Variants in C6orf118 observed in about 807,000 individuals in gnomAD.
C6orf118 encodes uncharacterized protein C6orf118.
C6orf118 carries 50 observed loss-of-function variants against 50.2 expected under a neutral mutation model. That is an observed-to-expected ratio of 1.00 (90% CI 0.79 to 1.26). The LOEUF (loss-of-function observed/expected upper bound fraction) is 1.26, where lower values mean the gene tolerates loss of function less well. C6orf118 is among the 50% of genes most tolerant of loss of function. The pLI, the probability that C6orf118 is intolerant of heterozygous loss-of-function variation, is 0.00. For missense variants in C6orf118, 641 were observed against 578.7 expected (o/e 1.11, Z -1.10); for synonymous variants, 239 against 230.9 (o/e 1.03, Z -0.32).
chr6:165,300,270 C>T lies in C6orf118; in HGVS notation c.876+94G>A. 2.7e-6 allele frequency: 4 copies of T among 1,465,140 alleles called. No homozygotes were observed. The South Asian group carries it at 3.8e-5, about 14-fold the overall frequency. The allele number at this position is 1,465,140 out of a possible 1,614,324, so 90.8% of individuals were successfully genotyped here. ...TGTCTGTAGAAGGGGGCCTGTGATA[C>T]CTAGCAGAATTTCAGTGCGGCTTGA... On this transcript the variant is annotated intron_variant, in intron 3 of 8. Transcript: ENST00000230301.
chr6:165,292,530 T>A (rs1468688514), intron 6 of C6orf118, among the ~76,000 whole-genome samples: 1 of 152,228 alleles, frequency 6.6e-6, no homozygotes, highest in African/African-American at 2.4e-5. Flanking sequence ...TTTGTTTTTT[T>A]GTTTTGTTTT....
chr6:165,287,006 A>T (rs771917881), intron 7 of C6orf118, among the ~76,000 whole-genome samples: 1 of 152,196 alleles, frequency 6.6e-6, no homozygotes, highest in Non-Finnish European at 1.5e-5. Flanking sequence ...TTTGCATATG[A>T]CATGATTCTA....
intron 7 of C6orf118, 194 bp from the exon 8 acceptor site, chr6:165,281,887 C>T (rs770133080): frequency 1.4e-4 from 45 of 322,600 alleles, no homozygotes; most frequent in Non-Finnish European, 2.1e-4. Flanking sequence ...CTGGTCCTCC[C>T]GGTAAAAAAC....
chr6:165,290,181 TATA>T, intron 6 of C6orf118, 114 bp from the exon 7 acceptor site: 1 of 635,326 alleles, frequency 1.6e-6, no homozygotes, highest in Non-Finnish European at 2.5e-6. Context: ...AACTATAAAA[TATA>T]ATTCAAACTC....
At chr6:165,282,501 G>A (rs193203493) in intron 7 of C6orf118, among the ~76,000 whole-genome samples, 12 of 152,106 alleles carry the variant, frequency 7.9e-5, no homozygotes, top group Middle Eastern at 3.4e-3. Flanking sequence ...AAGTTACTTA[G>A]CATATTAGTG....
At chr6:165,281,550 C>T (rs574361572) in intron 8 of C6orf118, 90 bp downstream of exon 8, 123 of 1,432,368 alleles carry the variant, frequency 8.6e-5, no homozygotes, top group Middle Eastern at 5.4e-4. Flanking sequence ...CAAAGAATTA[C>T]GATCAGTTGG....
chr6:165,283,257 A>G (rs1779791830), intron 7 of C6orf118, among the ~76,000 whole-genome samples: 1 of 152,152 alleles, frequency 6.6e-6, no homozygotes, highest in African/African-American at 2.4e-5. Flanking sequence ...TTCCGCTCCC[A>G]GCCAAGGGAG....
chr6:165,282,184 A>T (rs1401782182), intron 7 of C6orf118, among the ~76,000 whole-genome samples: 2 of 152,170 alleles, frequency 1.3e-5, no homozygotes, highest in Non-Finnish European at 2.9e-5. Context: ...AGTAAGTATA[A>T]AATAATCCCA....
chr6:165,286,703 G>A (rs1779915855), intron 7 of C6orf118, among the ~76,000 whole-genome samples: 1 of 151,974 alleles, frequency 6.6e-6, no homozygotes, highest in Admixed American at 6.6e-5. Context: ...ACACAGAAAA[G>A]GCCTTCTATA....
intron 7 of C6orf118, among the ~76,000 whole-genome samples, chr6:165,282,483 C>T (rs1245405486): frequency 2.0e-5 from 3 of 152,000 alleles, no homozygotes; most frequent in Non-Finnish European, 4.4e-5. Context: ...CTAACTGTGA[C>T]CTCAATCAAG....
chr6:165,292,021 G>T (rs1165223658), intron 6 of C6orf118, among the ~76,000 whole-genome samples: 1 of 152,192 alleles, frequency 6.6e-6, no homozygotes, highest in African/African-American at 2.4e-5. Context: ...GTAGGCACAT[G>T]ATGAGCTAGC....
intron 1 of C6orf118, among the ~76,000 whole-genome samples, chr6:165,306,535 CAAAAAAAAAAAAA>C (rs60755206): frequency 1.0e-4 from 4 of 39,686 alleles, no homozygotes; most frequent in East Asian, 1.2e-3. Flanking sequence ...TAGGTGAATG[CAAAAAAAAAAAAA>C]AAAAAAAAAA....
At chr6:165,289,609 G>A (rs1780035169) in intron 7 of C6orf118, among the ~76,000 whole-genome samples, 1 of 151,962 alleles carries the variant, frequency 6.6e-6, no homozygotes, top group Admixed American at 6.6e-5. Context: ...GTCTTCAATG[G>A]CTATTATTCC....
intron 7 of C6orf118, among the ~76,000 whole-genome samples, chr6:165,283,390 G>T (rs1779797254): frequency 6.6e-6 from 1 of 152,176 alleles, no homozygotes; most frequent in African/African-American, 2.4e-5. Context: ...CCAAGCAGGG[G>T]TTTACAGACA....
At chr6:165,282,439 C>G (rs1235443531) in intron 7 of C6orf118, among the ~76,000 whole-genome samples, 1 of 151,960 alleles carries the variant, frequency 6.6e-6, no homozygotes, top group African/African-American at 2.4e-5. Flanking sequence ...CATTAAGAAC[C>G]AAGCCTGAGT....
chr6:165,302,228 T>C lies in C6orf118; in HGVS notation c.94A>G (p.Thr32Ala). The change falls in exon 2 of 9, where the codon ACG (threonine) becomes GCG (alanine). Residue 32 changes from threonine (T) to alanine (A), a missense_variant. Coordinates refer to ENST00000230301, the MANE Select transcript of C6orf118 (RefSeq NM_144980.4). ...KTLCNLKHCE[T>A]PGVKTLCNLK... Reference sequence around the variant, plus strand: ...TTACACAGGGTCTTCACTCCTGGCGTCTCGCAGTGCTTCAGATTACACAGG... The same window carrying C: ...TTACACAGGGTCTTCACTCCTGGCGCCTCGCAGTGCTTCAGATTACACAGG... 2 of 1,613,882 alleles carry C rather than the reference T, an allele frequency of 1.2e-6. No homozygotes were observed. Among genetic ancestry groups the C allele is most frequent in the Non-Finnish European group, 1.7e-6 (2 of 1,179,900 alleles).
intron 6 of C6orf118, among the ~76,000 whole-genome samples, chr6:165,292,363 C>T (rs879861801): frequency 2.0e-5 from 3 of 152,058 alleles, no homozygotes; most frequent in African/African-American, 4.8e-5. Context: ...TTTGTTCCAT[C>T]GCAATGAAAG....
At chr6:165,290,129 AT>A in intron 6 of C6orf118, 62 bp from the exon 7 acceptor site, 1 of 938,894 alleles carries the variant, frequency 1.1e-6, no homozygotes, top group Non-Finnish European at 1.6e-6. Context: ...TATTAATAGC[AT>A]TATGTATTAT....
intron 7 of C6orf118, among the ~76,000 whole-genome samples, chr6:165,289,123 C>T (rs1413824621): frequency 2.7e-5 from 4 of 150,502 alleles, no homozygotes; most frequent in Non-Finnish European, 5.9e-5. Flanking sequence ...ATCCAGTCTG[C>T]ACCTATTTCT....
Sources: allele counts gnomAD v4.1 joint callset (sites outside exome capture counted in the v4.1 genomes callset), GRCh38; gene constraint gnomAD v4.1.1; transcripts MANE v1.5; gene names NCBI Gene and HGNC (gene_info 2026-07-23, HGNC 2026-07-21).